Variants in PDE1A observed in about 807,000 individuals in gnomAD.
The protein encoded by PDE1A is dual specificity calcium/calmodulin-dependent 3',5'-cyclic nucleotide phosphodiesterase 1A.
PDE1A carries 35 observed loss-of-function variants against 61.7 expected under a neutral mutation model. That is an observed-to-expected ratio of 0.57 (90% CI 0.43 to 0.75). The LOEUF (loss-of-function observed/expected upper bound fraction) is 0.75, where lower values mean the gene tolerates loss of function less well. Ranked by LOEUF, PDE1A falls within the 30% of genes least tolerant of loss-of-function variation. The probability of loss-of-function intolerance (pLI) is 0.00; values close to 1 mark genes in which losing one functional copy is unlikely to be tolerated. For missense variants in PDE1A, 597 were observed against 630.6 expected (o/e 0.95, Z 0.57); for synonymous variants, 232 against 213.2 (o/e 1.09, Z -0.77).
chr2:182,415,078 G>T (rs1702834157), intron 1 of PDE1A, among the ~76,000 whole-genome samples: 1 of 152,030 alleles, frequency 6.6e-6, no homozygotes, highest in African/African-American at 2.4e-5. Flanking sequence ...CTACCCTACA[G>T]ATAGAAGCAT....
chr2:182,559,812 A>C, the PDE1A span, among the ~76,000 whole-genome samples: 3 of 152,196 alleles, frequency 2.0e-5, no homozygotes, highest in Admixed American at 2.0e-4. Flanking sequence ...AATCATTTAC[A>C]ACTAAACAAA....
chr2:182,206,019 G>A, exon 8 of PDE1A: 2 of 1,612,520 alleles, frequency 1.2e-6, no homozygotes, highest in Non-Finnish European at 1.7e-6. Flanking sequence ...CTCACGTGGT[G>A]ATTCTCAAGG....
At chr2:182,389,010 G>A (rs898867059) in intron 1 of PDE1A, among the ~76,000 whole-genome samples, 20 of 152,022 alleles carry the variant, frequency 1.3e-4, no homozygotes, top group African/African-American at 3.4e-4. Context: ...ATGAACAATT[G>A]TAAAAGAGGA....
At chr2:182,460,644 G>T (rs1421922936) in intron 2 of PDE1A, among the ~76,000 whole-genome samples, 1 of 152,136 alleles carries the variant, frequency 6.6e-6, no homozygotes, top group Non-Finnish European at 1.5e-5. Context: ...AAGTAGAATT[G>T]TTAGTGGACA....
the PDE1A span, among the ~76,000 whole-genome samples, chr2:182,680,046 T>C: frequency 2.6e-5 from 4 of 152,014 alleles, no homozygotes; most frequent in African/African-American, 7.3e-5. Context: ...AAAGTACACA[T>C]AGAAACATAA....
chr2:182,169,936 ACACT>A (rs1692019979), intron 13 of PDE1A, among the ~76,000 whole-genome samples: 1 of 119,886 alleles, frequency 8.3e-6, no homozygotes, highest in Non-Finnish European at 1.8e-5. Flanking sequence ...ACACACACAC[ACACT>A]CTCCCTCTCT....
At chr2:182,164,713 A>G (rs192490841), downstream of PDE1A, among the ~76,000 whole-genome samples, 1 of 152,278 alleles carries the variant, frequency 6.6e-6, no homozygotes, top group Non-Finnish European at 1.5e-5. Context: ...CTGAGCACTC[A>G]CAGACCAATA....
At chr2:182,547,922 T>A in the PDE1A span, among the ~76,000 whole-genome samples, 3 of 152,296 alleles carry the variant, frequency 2.0e-5, no homozygotes, top group African/African-American at 7.2e-5. Context: ...TAAATAGCCA[T>A]TTTTATTGCA....
chr2:182,635,047 A>G, the PDE1A span, among the ~76,000 whole-genome samples: 13 of 152,160 alleles, frequency 8.5e-5, no homozygotes, highest in Non-Finnish European at 1.9e-4. Flanking sequence ...AATCAATTGG[A>G]TACCGCTCAT....
intron 1 of PDE1A, among the ~76,000 whole-genome samples, chr2:182,281,451 A>C (rs538827550): frequency 1.6e-4 from 25 of 152,114 alleles, no homozygotes; most frequent in African/African-American, 6.0e-4. Context: ...AAAATAGCTA[A>C]GTAATCTCAA....
At position 182,483,629 on chromosome 2, in the gene PDE1A, A is replaced by G. The variant is rs535281043; in HGVS notation, c.101+38647T>C. On this transcript the variant is annotated intron_variant, in intron 2 of 14. Transcript: ENST00000410103. ...TAAAAACACAACTCATCAATGTATG[A>G]GATATACCTAAAGCAGTGTTTTAAA... Among the ~76,000 whole-genome samples the G allele has an allele frequency of 3.3e-5, 5 of 152,066 alleles. No homozygotes were observed. In the East Asian group the frequency reaches 7.7e-4, roughly 24 times the overall value.
At chr2:182,678,403 A>T in the PDE1A span, among the ~76,000 whole-genome samples, 1 of 152,218 alleles carries the variant, frequency 6.6e-6, no homozygotes, top group East Asian at 1.9e-4. Context: ...AGCCTGGGGG[A>T]CAAGAGCAAG....
At chr2:182,277,262 T>C (rs935370999) in intron 1 of PDE1A, among the ~76,000 whole-genome samples, 6 of 152,044 alleles carry the variant, frequency 3.9e-5, no homozygotes, top group East Asian at 1.9e-4. Context: ...GTCCTACTGA[T>C]ATGTGATGTC....
At chr2:182,256,354 C>A (rs1040648037) in intron 2 of PDE1A, among the ~76,000 whole-genome samples, 46 of 149,526 alleles carry the variant, frequency 3.1e-4, no homozygotes, top group African/African-American at 1.1e-3. Flanking sequence ...TTTGTTCTTG[C>A]GATAGTTTAC....
chr2:182,213,915 G>C (rs1266540250), intron 7 of PDE1A, among the ~76,000 whole-genome samples: 11 of 127,652 alleles, frequency 8.6e-5, no homozygotes, highest in East Asian at 7.6e-4. Flanking sequence ...GAAATACAGA[G>C]AACGCCACAA....
At chr2:182,457,628 T>C (rs1211537516) in intron 2 of PDE1A, among the ~76,000 whole-genome samples, 1 of 152,064 alleles carries the variant, frequency 6.6e-6, no homozygotes, top group African/African-American at 2.4e-5. Flanking sequence ...ATTAGAATAG[T>C]GTGATGACTG....
chr2:182,629,244 G>A, the PDE1A span, among the ~76,000 whole-genome samples: 3 of 152,216 alleles, frequency 2.0e-5, no homozygotes, highest in African/African-American at 7.2e-5. Flanking sequence ...AGAAGATCCT[G>A]AGCAGAGGAT....
At chr2:182,701,097 C>T in the PDE1A span, among the ~76,000 whole-genome samples, 334 of 151,990 alleles carry the variant, frequency 2.2e-3, 1 homozygote, top group African/African-American at 7.7e-3. Context: ...TGCAGTGGCG[C>T]GATCTCAGCT....
chr2:182,434,394 T>C (rs1424988128), intron 2 of PDE1A, among the ~76,000 whole-genome samples: 3 of 152,072 alleles, frequency 2.0e-5, no homozygotes, highest in Non-Finnish European at 4.4e-5. Flanking sequence ...GACTAGGTAA[T>C]TTATAAAGAA....
Sources: allele counts gnomAD v4.1 joint callset (sites outside exome capture counted in the v4.1 genomes callset), GRCh38; gene constraint gnomAD v4.1.1; transcripts MANE v1.5; gene names NCBI Gene and HGNC (gene_info 2026-07-23, HGNC 2026-07-21).